Variants in ERICH1 observed in about 807,000 individuals in gnomAD.
ERICH1 encodes glutamate rich 1.
Under a neutral mutation model 39.6 loss-of-function variants are expected in ERICH1, and 56 were observed. That is an observed-to-expected ratio of 1.41 (90% CI 1.14 to 1.77). The LOEUF is 1.77. Ranked by LOEUF, ERICH1 falls within the 40% of genes most tolerant of loss-of-function variation. The probability of loss-of-function intolerance (pLI) is 0.00; values close to 1 mark genes in which losing one functional copy is unlikely to be tolerated. For synonymous variants in ERICH1, 313 were observed against 223.6 expected, an observed-to-expected ratio of 1.40 and a Z score of -3.57; for missense variants, 826 against 575.4, an observed-to-expected ratio of 1.44 and a Z score of -4.45.
downstream of ERICH1, among the ~76,000 whole-genome samples, chr8:663,248 C>A (rs566148542): frequency 7.9e-5 from 12 of 152,230 alleles, no homozygotes; most frequent in East Asian, 2.1e-3. Context: ...GGCTTCCTTC[C>A]CCTCCCTCCA....
chr8:619,477 C>T (rs563142449), intron 3 of ERICH1, among the ~76,000 whole-genome samples: 1 of 152,210 alleles, frequency 6.6e-6, no homozygotes, highest in East Asian at 1.9e-4. Flanking sequence ...TTGAAAATAG[C>T]AGCACAAAGA....
chr8:632,024 GC>G (rs1360920327), intron 3 of ERICH1, among the ~76,000 whole-genome samples: 1 of 152,142 alleles, frequency 6.6e-6, no homozygotes, highest in Non-Finnish European at 1.5e-5. Context: ...AAGCACCACA[GC>G]CGGAATAGAC....
chr8:699,569 G>T (rs527729881), intron 2 of ERICH1, among the ~76,000 whole-genome samples: 2 of 148,150 alleles, frequency 1.3e-5, no homozygotes, highest in South Asian at 2.2e-4. Context: ...TTCCAGAGAA[G>T]GAGGACGGCT....
chr8:701,703 T>C (rs1812189813), intron 2 of ERICH1, among the ~76,000 whole-genome samples: 1 of 152,186 alleles, frequency 6.6e-6, no homozygotes, highest in Admixed American at 6.5e-5. Context: ...AGATTTTAGA[T>C]AAAGATTTCT....
chr8:634,523 A>C (rs1315090619), intron 3 of ERICH1, among the ~76,000 whole-genome samples: 2 of 152,242 alleles, frequency 1.3e-5, no homozygotes, highest in African/African-American at 4.8e-5. Context: ...ACCCATGCTC[A>C]GGGCGGCCCC....
At chr8:644,958 G>A (rs1421372002) in intron 3 of ERICH1, among the ~76,000 whole-genome samples, 1 of 69,238 alleles carries the variant, frequency 1.4e-5, no homozygotes, top group East Asian at 3.0e-4. Context: ...CAGGAGCTAC[G>A]GGGCCCAGGA....
rs1198577710 is a variant in ERICH1 at position 616,885 on chromosome 8, A to G, written c.977-1601T>C. On this transcript the variant is annotated intron_variant, in intron 3 of 3. Transcript: ENST00000522706. ...CAGAGAGAGAGAGGGAGAGGGAGAC[A>G]GAGACACACACACACACAGAGAGAG... Among the ~76,000 whole-genome samples the G allele has an allele frequency of 1.3e-4, 6 of 46,748 alleles. 1 individual carries two copies. Among genetic ancestry groups the G allele is most frequent in the East Asian group, 0.012 (1 of 86 alleles). The allele number at this position is 46,748 out of a possible 152,430, so 30.7% of individuals were successfully genotyped here. A position where few individuals can be genotyped will look rare whatever the true frequency, so the allele number is the denominator to read the frequency against.
At chr8:706,665 G>C (rs1289945844) in intron 2 of ERICH1, among the ~76,000 whole-genome samples, 1 of 152,128 alleles carries the variant, frequency 6.6e-6, no homozygotes, top group Non-Finnish European at 1.5e-5. Context: ...TGTAATCCCA[G>C]CTACTCAGGC....
chr8:651,357 A>G (rs1799923229), intron 3 of ERICH1, among the ~76,000 whole-genome samples: 1 of 152,212 alleles, frequency 6.6e-6, no homozygotes. Flanking sequence ...TAATTTTGCA[A>G]TCTATCTTTA....
Position 699,245 on chromosome 8 carries a change from A to G in ERICH1, c.170-6633T>C, listed in dbSNP as rs188647561. 3.0e-4 allele frequency among the ~76,000 whole-genome samples: 46 copies of G among 152,200 alleles called. No individual in the cohort carries two copies. The East Asian group carries it at 8.9e-3, about 29-fold the overall frequency. ...GGTTATCATCAGGAACGAAAGAAAA[A>G]GGTATTTCCCACCTGCATGGATAAC... is the stretch of plus-strand genomic sequence containing the variant. On this transcript the variant is annotated intron_variant, in intron 2 of 5. Transcript: ENST00000262109.
chr8:657,800 G>A (rs970594426), intron 3 of ERICH1, among the ~76,000 whole-genome samples: 2 of 152,104 alleles, frequency 1.3e-5, no homozygotes, highest in Non-Finnish European at 2.9e-5. Context: ...GATAATGAGA[G>A]GGATTTTCAG....
chr8:716,285 T>G (rs915391101), intron 1 of ERICH1, among the ~76,000 whole-genome samples: 4 of 152,344 alleles, frequency 2.6e-5, no homozygotes, highest in Non-Finnish European at 4.4e-5. Flanking sequence ...GGCTGTGCAC[T>G]GCTGGCAGGT....
At chr8:726,314 C>G (rs1259529461) in intron 1 of ERICH1, among the ~76,000 whole-genome samples, 1 of 152,044 alleles carries the variant, frequency 6.6e-6, no homozygotes, top group Admixed American at 6.5e-5. Flanking sequence ...ACACGCCACA[C>G]GCAGACACGT....
At chr8:627,424 C>T (rs1797653174) in intron 3 of ERICH1, among the ~76,000 whole-genome samples, 1 of 152,220 alleles carries the variant, frequency 6.6e-6, no homozygotes, top group South Asian at 2.1e-4. Context: ...TCTCACTGCC[C>T]CTCTCCCAGG....
rs1450204296 is a variant in ERICH1, at chr8:688,430, G to T, written c.304+4048C>A. Among the ~76,000 whole-genome samples, 10 of 149,210 alleles carry T rather than the reference G, an allele frequency of 6.7e-5. No individual in the cohort carries two copies. The Admixed American group carries it at 6.7e-4, about 10-fold the overall frequency. On this transcript the variant is annotated intron_variant, in intron 3 of 5. Transcript: ENST00000262109. Reference sequence around the variant, plus strand: ...CTCCGCTTCCCTCCGGCCTTCCTTAGCGCCGCGCCCATTCTGTAGGCCAGG... The same window carrying T: ...CTCCGCTTCCCTCCGGCCTTCCTTATCGCCGCGCCCATTCTGTAGGCCAGG...
intron 4 of ERICH1, chr8:669,022 C>T (rs1003547076): frequency 7.7e-5 from 41 of 532,830 alleles, no homozygotes; most frequent in Admixed American, 7.2e-5. Flanking sequence ...TCTGGTGAGA[C>T]GCCTCCCCTG....
At chr8:631,377 TA>T (rs1379473735) in intron 3 of ERICH1, among the ~76,000 whole-genome samples, 2 of 152,170 alleles carry the variant, frequency 1.3e-5, no homozygotes, top group Non-Finnish European at 2.9e-5. Flanking sequence ...GACAGGAGGC[TA>T]CTCAGAGAGA....
chr8:657,363 G>C (rs189942337), intron 3 of ERICH1, among the ~76,000 whole-genome samples: 1 of 152,088 alleles, frequency 6.6e-6, no homozygotes, highest in Non-Finnish European at 1.5e-5. Context: ...TGCAGGACTG[G>C]AGTGTCTCTG....
chr8:649,900 G>A (rs1250260473), intron 3 of ERICH1, among the ~76,000 whole-genome samples: 1 of 152,214 alleles, frequency 6.6e-6, no homozygotes, highest in Non-Finnish European at 1.5e-5. Context: ...CAGGTTGGGA[G>A]GAGACGTGAC....
Sources: allele counts gnomAD v4.1 joint callset (sites outside exome capture counted in the v4.1 genomes callset), GRCh38; gene constraint gnomAD v4.1.1; transcripts MANE v1.5; gene names NCBI Gene and HGNC (gene_info 2026-07-23, HGNC 2026-07-21).